The following SEPTIN9 variants were observed in gnomAD, a reference collection of about 807,000 sequenced individuals.
The protein encoded by SEPTIN9 is septin-9.
Under a neutral mutation model 56.6 loss-of-function variants are expected in SEPTIN9, and 13 were observed. The observed-to-expected ratio is 0.23, with a 90% confidence interval of 0.15 to 0.37. The LOEUF is 0.37. SEPTIN9 is among the 10% of genes least tolerant of loss of function. The pLI is 1.00. For synonymous variants in SEPTIN9, 332 were observed against 334.1 expected, an observed-to-expected ratio of 0.99 and a Z score of 0.07; for missense variants, 650 against 823.1, an observed-to-expected ratio of 0.79 and a Z score of 2.57.
chr17:77,297,388 T>C (rs1452296033), intron 1 of SEPTIN9, among the ~76,000 whole-genome samples: 1 of 152,146 alleles, frequency 6.6e-6, no homozygotes, highest in South Asian at 2.1e-4. Context: ...GTGTCATCCA[T>C]ATTGAGGGAG....
At chr17:77,488,083 C>T (rs1031718145) in intron 5 of SEPTIN9, among the ~76,000 whole-genome samples, 157 bp from the exon 6 acceptor site, 18 of 151,236 alleles carry the variant, frequency 1.2e-4, no homozygotes, top group African/African-American at 4.1e-4. Context: ...CCGTCACCGG[C>T]CTGTGCCGGA....
chr17:77,360,796 C>T (rs758266570), intron 2 of SEPTIN9, among the ~76,000 whole-genome samples: 3 of 152,104 alleles, frequency 2.0e-5, no homozygotes, highest in Admixed American at 6.5e-5. Context: ...GATCTCCTGA[C>T]CTCGCAATCT....
At chr17:77,407,828 T>C (rs74000234) in intron 3 of SEPTIN9, among the ~76,000 whole-genome samples, 11,067 of 152,258 alleles carry the variant, frequency 0.073, 1,218 homozygotes, top group African/African-American at 0.23. Context: ...TCTCAGGCTC[T>C]GGGTGGGGAC....
chr17:77,373,367 G>A (rs1345035265), intron 2 of SEPTIN9: 2 of 1,206,562 alleles, frequency 1.7e-6, no homozygotes, highest in East Asian at 3.6e-5. Flanking sequence ...GGGCCTAGGG[G>A]CTCCTCCGGC....
intron 2 of SEPTIN9, among the ~76,000 whole-genome samples, chr17:77,334,797 A>G (rs867837174): frequency 1.3e-5 from 2 of 152,094 alleles, no homozygotes; most frequent in African/African-American, 4.8e-5. Flanking sequence ...GATCCATTTT[A>G]AATCAGTTTT....
chr17:77,295,801 C>T (rs919374363), intron 1 of SEPTIN9, among the ~76,000 whole-genome samples: 1 of 151,638 alleles, frequency 6.6e-6, no homozygotes, highest in Non-Finnish European at 1.5e-5. Context: ...CCCCACCCCA[C>T]GGAGGCCCCT....
intron 3 of SEPTIN9, among the ~76,000 whole-genome samples, chr17:77,413,040 G>A (rs993825585): frequency 1.3e-5 from 2 of 151,908 alleles, no homozygotes; most frequent in Non-Finnish European, 2.9e-5. Flanking sequence ...GGGGTAGATG[G>A]TATTGCTTGG....
intron 3 of SEPTIN9, among the ~76,000 whole-genome samples, chr17:77,422,512 G>A (rs2036741325): frequency 6.6e-6 from 1 of 152,142 alleles, no homozygotes; most frequent in Non-Finnish European, 1.5e-5. Flanking sequence ...GTGGAGGATG[G>A]AGGTCAGGGA....
At chr17:77,418,008 G>T (rs1180696274) in intron 3 of SEPTIN9, among the ~76,000 whole-genome samples, 1 of 152,216 alleles carries the variant, frequency 6.6e-6, no homozygotes, top group Non-Finnish European at 1.5e-5. Context: ...CTGGGAGTGG[G>T]GGGCTCCTCA....
intron 3 of SEPTIN9, among the ~76,000 whole-genome samples, chr17:77,408,903 G>A (rs569258198): frequency 3.3e-5 from 5 of 152,218 alleles, no homozygotes; most frequent in Admixed American, 2.0e-4. Context: ...GTGCAGGTTC[G>A]TCCAGTACCA....
intron 2 of SEPTIN9, among the ~76,000 whole-genome samples, chr17:77,348,588 C>G (rs907498583): frequency 6.6e-6 from 1 of 152,226 alleles, no homozygotes; most frequent in Non-Finnish European, 1.5e-5. Flanking sequence ...GCGTGAGCCA[C>G]TGAGCCCGGC....
At position 77,436,263 on chromosome 17, in the gene SEPTIN9, G is replaced by A. The variant is rs1490860755; in HGVS notation, c.721+33560G>A. On this transcript the variant is annotated intron_variant, in intron 3 of 11. Transcript: ENST00000427177. This position sits in a 1 kb window ranked among gnomAD's most constrained non-coding sequence, Gnocchi z 4.4. ...CAGAGAGGCCTTATCTTCAGAGGAA[G>A]GGGTGGGCGGGGACACAGCGCTGTT... Among the ~76,000 whole-genome samples the A allele has an allele frequency of 6.6e-6, 1 of 152,194 alleles. No homozygotes were observed. Among genetic ancestry groups the A allele is most frequent in the African/African-American group, 2.4e-5 (1 of 41,438 alleles).
chr17:77,419,232 C>T (rs2036609025), intron 3 of SEPTIN9, among the ~76,000 whole-genome samples: 1 of 152,218 alleles, frequency 6.6e-6, no homozygotes, highest in Non-Finnish European at 1.5e-5. Context: ...CTTGCAGGCC[C>T]AGCCTCCTGC....
rs1442790899 is a variant in SEPTIN9, at chr17:77,456,921, C to T, written c.722-25223C>T. The stretch of plus-strand genomic sequence containing the variant: ...TATGGCCAGTACCAGGTCTCAGGGA[C>T]CAGCGCTGGGACCCTGGATGACTGA... On this transcript the variant is annotated intron_variant, in intron 3 of 11. Coordinates refer to ENST00000427177, the MANE Select transcript of SEPTIN9 (RefSeq NM_001113491.2). The surrounding 1 kb of genome is among the most constrained non-coding windows in gnomAD (Gnocchi z 6.0). 4.6e-5 allele frequency among the ~76,000 whole-genome samples: 7 copies of T among 152,234 alleles called. No homozygotes were observed. The highest frequency in any genetic ancestry group is 2.1e-4 in the South Asian group (1 of 4,830).
rs1368955287 is a variant in SEPTIN9, at chr17:77,449,481, G to T, written c.722-32663G>T. On this transcript the variant is annotated intron_variant, in intron 3 of 11. Coordinates refer to ENST00000427177, the MANE Select transcript of SEPTIN9 (RefSeq NM_001113491.2). The surrounding 1 kb of genome is among the most constrained non-coding windows in gnomAD (Gnocchi z 4.6). ...TTGGGCCCTGGGAAAAGCCTGGGGG[G>T]CCAGAAAGCTGGGGGACAGATTGAG... Among the ~76,000 whole-genome samples, 1 of 152,150 alleles carries T rather than the reference G, an allele frequency of 6.6e-6. No individual in the cohort carries two copies. The highest frequency in any genetic ancestry group is 1.5e-5 in the Non-Finnish European group (1 of 68,040).
intron 11 of SEPTIN9, among the ~76,000 whole-genome samples, chr17:77,498,128 C>T (rs1477933982): frequency 3.9e-5 from 6 of 152,008 alleles, no homozygotes; most frequent in Non-Finnish European, 8.8e-5. Context: ...TCCTGGAGGC[C>T]GGTGGTCACC....
intron 2 of SEPTIN9, among the ~76,000 whole-genome samples, chr17:77,328,058 G>A (rs937903060): frequency 2.0e-5 from 3 of 146,472 alleles, no homozygotes; most frequent in Admixed American, 6.9e-5. Flanking sequence ...GGGTTTCCCC[G>A]TGCCCAGGGT....
intron 2 of SEPTIN9, among the ~76,000 whole-genome samples, chr17:77,391,739 G>A (rs747107664): frequency 1.7e-4 from 26 of 152,214 alleles, no homozygotes; most frequent in African/African-American, 6.0e-4. Flanking sequence ...AAAGGAATCC[G>A]TAGGACTTCT....
Position 77,361,566 on chromosome 17 carries a change from G to A in SEPTIN9, c.77-40493G>A, listed in dbSNP as rs116614746. Among the ~76,000 whole-genome samples the A allele has an allele frequency of 5.7e-3, 862 of 152,088 alleles. 7 individuals are homozygous for A. The highest frequency in any genetic ancestry group is 0.02 in the African/African-American group (813 of 41,412). On this transcript the variant is annotated intron_variant, in intron 2 of 11. Coordinates refer to ENST00000427177, the MANE Select transcript of SEPTIN9 (RefSeq NM_001113491.2). ...GATTTTAGGTCCCCAATTGGACAAA[G>A]CTGTTTTTTTTTTCTGGATAAATGT...
Sources: gnomAD v4.1 joint callset for allele counts (sites outside exome capture counted in the v4.1 genomes callset) on GRCh38, gnomAD v4.1.1 for gene constraint, Gnocchi (gnomAD v3.1) non-coding constraint, MANE v1.5 for transcripts, NCBI Gene and HGNC (gene_info 2026-07-23, HGNC 2026-07-21) for gene names.